UBE2QL1: variants seen among roughly 807,000 people sequenced by gnomAD.
The protein encoded by UBE2QL1 is ubiquitin-conjugating enzyme E2Q-like protein 1.
In UBE2QL1, 5 loss-of-function variants were observed where a neutral mutation model predicts 12.6. That is an observed-to-expected ratio of 0.40 (90% CI 0.21 to 0.83). The LOEUF is 0.83. Ranked by LOEUF, UBE2QL1 falls within the 40% of genes least tolerant of loss-of-function variation. UBE2QL1 has a pLI of 0.37. For missense variants in UBE2QL1, 99 were observed against 222.6 expected, an observed-to-expected ratio of 0.44 and a Z score of 3.53; for synonymous variants, 96 against 94.5, an observed-to-expected ratio of 1.02 and a Z score of -0.10.
At chr5:6,451,502 T>G (rs1739411963) in intron 1 of UBE2QL1, among the ~76,000 whole-genome samples, 1 of 152,266 alleles carries the variant, frequency 6.6e-6, no homozygotes, top group Admixed American at 6.5e-5. Context: ...CATTTCTTAC[T>G]TTGATAAAAT....
intron 1 of UBE2QL1, among the ~76,000 whole-genome samples, chr5:6,458,630 G>T (rs949621806): frequency 6.6e-6 from 1 of 152,190 alleles, no homozygotes; most frequent in Admixed American, 6.5e-5. Flanking sequence ...TCAGGAATTG[G>T]ATATAACTAT....
intron 1 of UBE2QL1, among the ~76,000 whole-genome samples, chr5:6,462,132 G>A (rs916232868): frequency 9.2e-5 from 14 of 152,164 alleles, no homozygotes; most frequent in Admixed American, 3.9e-4. Flanking sequence ...AAGATGCTCC[G>A]AGACTTCAGA....
chr5:6,465,869 AT>A (rs1288388527), intron 1 of UBE2QL1, among the ~76,000 whole-genome samples: 1 of 152,128 alleles, frequency 6.6e-6, no homozygotes, highest in Non-Finnish European at 1.5e-5. Flanking sequence ...CCATTTCTGC[AT>A]TTCCACGTTT....
intron 1 of UBE2QL1, among the ~76,000 whole-genome samples, chr5:6,465,867 G>C (rs1739776846): frequency 6.6e-6 from 1 of 152,192 alleles, no homozygotes; most frequent in African/African-American, 2.4e-5. Flanking sequence ...CGCCATTTCT[G>C]CATTTCCACG....
At chr5:6,461,456 A>G (rs1056069266) in intron 1 of UBE2QL1, among the ~76,000 whole-genome samples, 4 of 150,418 alleles carry the variant, frequency 2.7e-5, no homozygotes, top group African/African-American at 9.8e-5. Flanking sequence ...TGATTTTCCC[A>G]TAGTTTAGAA....
At chr5:6,461,622 C>T (rs1739668124) in intron 1 of UBE2QL1, among the ~76,000 whole-genome samples, 4 of 143,580 alleles carry the variant, frequency 2.8e-5, no homozygotes, top group African/African-American at 7.7e-5. Context: ...ATATCTAAAT[C>T]AGTTCCTGGG....
chr5:6,474,808 A>C (rs1433131077), intron 1 of UBE2QL1, among the ~76,000 whole-genome samples: 1 of 152,184 alleles, frequency 6.6e-6, no homozygotes, highest in Non-Finnish European at 1.5e-5. Context: ...TTCCATCCTC[A>C]CACGTGGTGA....
intron 1 of UBE2QL1, among the ~76,000 whole-genome samples, chr5:6,473,178 G>A (rs1734129181): frequency 6.6e-6 from 1 of 152,094 alleles, no homozygotes; most frequent in African/African-American, 2.4e-5. Flanking sequence ...AACCCCCTCT[G>A]CTCTTCCTTT....
intron 1 of UBE2QL1, among the ~76,000 whole-genome samples, chr5:6,450,220 C>A (rs2126315530): frequency 6.6e-6 from 1 of 151,678 alleles, no homozygotes; most frequent in African/African-American, 2.4e-5. Flanking sequence ...TTTTCTTCAT[C>A]CCCTTACCTC....
At chr5:6,487,311 A>G (rs143584990) in intron 1 of UBE2QL1, among the ~76,000 whole-genome samples, 29 of 152,278 alleles carry the variant, frequency 1.9e-4, no homozygotes, top group Middle Eastern at 3.4e-3. Context: ...AATACCACCT[A>G]CTGGTTTTGT....
chr5:6,491,433 C>T lies in UBE2QL1; in HGVS notation c.*84C>T. 1 of 1,434,240 alleles carries T rather than the reference C, an allele frequency of 7.0e-7. No homozygotes were observed. The highest frequency in any genetic ancestry group is 9.2e-7 in the Non-Finnish European group (1 of 1,091,634). The allele number at this position is 1,434,240 out of a possible 1,614,324, so 88.8% of individuals were successfully genotyped here. A position where few individuals can be genotyped will look rare whatever the true frequency, so the allele number is the denominator to read the frequency against. On this transcript the variant is annotated 3_prime_UTR_variant, in exon 2 of 2. Coordinates refer to ENST00000399816, the MANE Select transcript of UBE2QL1 (RefSeq NM_001145161.3). ...CATCTCCTCAATGCTGTGCATCCTC[C>T]ACCCGTTTTTACTCCAGCCAGAACT...
chr5:6,466,886 G>A (rs1231134467), intron 1 of UBE2QL1, among the ~76,000 whole-genome samples: 6 of 152,026 alleles, frequency 3.9e-5, no homozygotes, highest in African/African-American at 7.3e-5. Flanking sequence ...CATACCATTC[G>A]CCAGAAAACA....
intron 1 of UBE2QL1, among the ~76,000 whole-genome samples, chr5:6,466,360 C>T (rs1012886480): frequency 9.8e-5 from 15 of 152,346 alleles, no homozygotes; most frequent in Admixed American, 9.1e-4. Context: ...ACCCATCTGC[C>T]TCCTCCCACA....
chr5:6,472,113 GTTA>G (rs144356864), intron 1 of UBE2QL1, among the ~76,000 whole-genome samples: 1 of 152,294 alleles, frequency 6.6e-6, no homozygotes, highest in East Asian at 1.9e-4. Flanking sequence ...CTGAATCTTA[GTTA>G]TTTCACCCAG....
chr5:6,487,614 C>A (rs79336178), intron 1 of UBE2QL1, among the ~76,000 whole-genome samples: 160 of 152,206 alleles, frequency 1.1e-3, no homozygotes, highest in African/African-American at 3.5e-3. Flanking sequence ...AGACTAGATT[C>A]TTTGATTATT....
At chr5:6,473,587 A>T (rs942152885) in intron 1 of UBE2QL1, among the ~76,000 whole-genome samples, 1 of 152,232 alleles carries the variant, frequency 6.6e-6, no homozygotes, top group African/African-American at 2.4e-5. Flanking sequence ...GCTCTCTAAC[A>T]AATTCAGTTC....
At chr5:6,467,056 T>C (rs1303903135) in intron 1 of UBE2QL1, among the ~76,000 whole-genome samples, 1 of 152,208 alleles carries the variant, frequency 6.6e-6, no homozygotes, top group African/African-American at 2.4e-5. Context: ...TTTAAATAAC[T>C]TCTCTGTAAA....
intron 1 of UBE2QL1, among the ~76,000 whole-genome samples, chr5:6,454,819 C>T (rs574381495): frequency 6.6e-6 from 1 of 152,196 alleles, no homozygotes; most frequent in South Asian, 2.1e-4. Flanking sequence ...TGTGTTGTGT[C>T]CTGCACTGTG....
In UBE2QL1 at chr5:6,481,741, T is replaced by C. The variant is rs1303189428; in HGVS notation, c.355-9477T>C. 6.6e-6 allele frequency among the ~76,000 whole-genome samples: 1 copy of C among 152,140 alleles called. No homozygotes were observed. The highest frequency in any genetic ancestry group is 2.4e-5 in the African/African-American group (1 of 41,422). ...AGTGGCCTCTGCCAGGCCCTCGCCA[T>C]CTTCTCTGGACCATGACAATAACCT... On this transcript the variant is annotated intron_variant, in intron 1 of 1. Coordinates refer to ENST00000399816, the MANE Select transcript of UBE2QL1 (RefSeq NM_001145161.3). The surrounding 1 kb of genome is among the most constrained non-coding windows in gnomAD (Gnocchi z 4.5).
Sources: allele counts gnomAD v4.1 joint callset (sites outside exome capture counted in the v4.1 genomes callset), GRCh38; gene constraint gnomAD v4.1.1; non-coding constraint Gnocchi (gnomAD v3.1); transcripts MANE v1.5; gene names NCBI Gene and HGNC (gene_info 2026-07-23, HGNC 2026-07-21).